PRKN: variants seen among roughly 807,000 people sequenced by gnomAD.
The protein encoded by PRKN is E3 ubiquitin-protein ligase parkin.
PRKN carries 56 observed loss-of-function variants against 59.5 expected under a neutral mutation model. That is an observed-to-expected ratio of 0.94 (90% CI 0.76 to 1.18). PRKN has a LOEUF of 1.18. PRKN is among the 50% of genes most tolerant of loss of function. The pLI is 0.00. For synonymous variants in PRKN, 250 were observed against 222.1 expected (o/e 1.13, Z -1.12); for missense variants, 657 against 596.4 (o/e 1.10, Z -1.06).
intron 9 of PRKN, among the ~76,000 whole-genome samples, chr6:161,421,623 G>A (rs1583046203): frequency 1.3e-5 from 2 of 152,090 alleles, no homozygotes; most frequent in Non-Finnish European, 2.9e-5. Context: ...AGATAGAGAC[G>A]TTTACCCCTT....
intron 9 of PRKN, among the ~76,000 whole-genome samples, chr6:161,424,591 G>A (rs1315622465): frequency 1.3e-5 from 2 of 152,070 alleles, no homozygotes; most frequent in African/African-American, 4.8e-5. Flanking sequence ...AGGAACTCAG[G>A]GCATTGGGGC....
rs570419081 is a variant in PRKN at position 162,660,292 on chromosome 6, T to C, written c.7+67370A>G. 4.6e-5 allele frequency among the ~76,000 whole-genome samples: 7 copies of C among 152,300 alleles called. No individual in the cohort carries two copies. The East Asian group carries it at 1.4e-3, about 29-fold the overall frequency. ...ACCCCTTGTTTCAATCACAATTAGC[T>C]GGTTCTTGCTAAATGATTCAGTCCA... On this transcript the variant is annotated intron_variant, in intron 1 of 11. Coordinates refer to ENST00000366898, the MANE Select transcript of PRKN (RefSeq NM_004562.3).
At chr6:162,223,577 G>A (rs187355898) in intron 3 of PRKN, among the ~76,000 whole-genome samples, 34 of 147,954 alleles carry the variant, frequency 2.3e-4, no homozygotes, top group Non-Finnish European at 3.4e-4. Flanking sequence ...ACATCTATAC[G>A]TATGTGTATA....
chr6:162,671,150 G>T (rs754004046), intron 1 of PRKN, among the ~76,000 whole-genome samples: 1 of 152,220 alleles, frequency 6.6e-6, no homozygotes, highest in African/African-American at 2.4e-5. Context: ...CTACAATCCC[G>T]TCTAACATTC....
intron 5 of PRKN, among the ~76,000 whole-genome samples, chr6:162,053,150 T>C (rs1562485203): frequency 6.6e-6 from 1 of 152,162 alleles, no homozygotes. Context: ...CCTAGGCTGG[T>C]GGAGAGTGAC....
At chr6:162,669,876 G>A (rs572915140) in intron 1 of PRKN, among the ~76,000 whole-genome samples, 4 of 152,208 alleles carry the variant, frequency 2.6e-5, no homozygotes, top group South Asian at 4.1e-4. Context: ...GAATTCAAAC[G>A]TCTCAAATAT....
chr6:161,481,640 AAAAC>A (rs1373832295), intron 9 of PRKN, among the ~76,000 whole-genome samples: 3 of 152,134 alleles, frequency 2.0e-5, no homozygotes, highest in African/African-American at 4.8e-5. Context: ...CAAAAAAACA[AAAAC>A]AAACAAGGAA....
In PRKN at chr6:162,560,853, C is replaced by CAAAAAAAAAAACA. The variant is rs370276827; in HGVS notation, c.8-117381_8-117380insTGTTTTTTTTTTT. 3.9e-4 allele frequency among the ~76,000 whole-genome samples: 22 copies of CAAAAAAAAAAACA among 56,506 alleles called. 2 individuals carry two copies. The highest frequency in any genetic ancestry group is 6.7e-4 in the Non-Finnish European group (22 of 32,692). 37.1% of individuals were successfully genotyped at this position (56,506 alleles called of 152,430 possible). A position where few individuals can be genotyped will look rare whatever the true frequency, so the allele number is the denominator to read the frequency against. On this transcript the variant is annotated intron_variant, in intron 1 of 11. Coordinates refer to ENST00000366898, the MANE Select transcript of PRKN (RefSeq NM_004562.3). ...CAATTAAAGCCCAGAGAGAGAGAGG[C>CAAAAAAAAAAACA]AAAAAAAAAAAAAACCCAGGTCATT...
chr6:162,555,282 T>C (rs1376274018), intron 1 of PRKN, among the ~76,000 whole-genome samples: 1 of 152,182 alleles, frequency 6.6e-6, no homozygotes, highest in East Asian at 1.9e-4. Context: ...TTAAACAAAA[T>C]GGATTCATTT....
chr6:161,410,028 C>T lies in PRKN; in HGVS notation c.1084-23151G>A, dbSNP rs1787450867. ...TGCTAAGCCAGGCACAGTGACCTTT[C>T]CTGTACCTGTGCTAGGATGCAAAAG... On this transcript the variant is annotated intron_variant, in intron 9 of 11. Transcript: ENST00000366898. The surrounding 1 kb of genome is among the most constrained non-coding windows in gnomAD (Gnocchi z 5.3). Among the ~76,000 whole-genome samples the T allele has an allele frequency of 1.3e-5, 2 of 152,184 alleles. No homozygotes were observed. Among genetic ancestry groups the T allele is most frequent in the South Asian group, 4.1e-4 (2 of 4,826 alleles).
chr6:162,581,633 C>A (rs570140139), intron 1 of PRKN, among the ~76,000 whole-genome samples: 3 of 152,240 alleles, frequency 2.0e-5, no homozygotes, highest in African/African-American at 7.2e-5. Context: ...TAGTGACAGG[C>A]GACTGTAATC....
At chr6:162,490,239 A>G (rs1562325942) in intron 1 of PRKN, among the ~76,000 whole-genome samples, 1 of 152,206 alleles carries the variant, frequency 6.6e-6, no homozygotes, top group Non-Finnish European at 1.5e-5. Context: ...TGTCGGGGGG[A>G]AAAAGTGTGC....
At chr6:162,290,141 C>T (rs1165890678) in intron 2 of PRKN, among the ~76,000 whole-genome samples, 1 of 152,178 alleles carries the variant, frequency 6.6e-6, no homozygotes, top group Non-Finnish European at 1.5e-5. Context: ...TATCCCCAGT[C>T]CACAGACCGA....
At chr6:162,012,001 C>G (rs760758908) in intron 5 of PRKN, among the ~76,000 whole-genome samples, 3 of 152,078 alleles carry the variant, frequency 2.0e-5, no homozygotes, top group East Asian at 3.8e-4. Context: ...CTACACTACA[C>G]TGTGCTATGT....
intron 6 of PRKN, among the ~76,000 whole-genome samples, chr6:161,955,625 C>T (rs1242420566): frequency 6.6e-5 from 10 of 152,212 alleles, no homozygotes; most frequent in South Asian, 2.1e-4. Flanking sequence ...CCGAGGTGGG[C>T]GGATCACCTG....
At chr6:161,975,229 G>A (rs1392301239) in intron 5 of PRKN, among the ~76,000 whole-genome samples, 10 of 151,894 alleles carry the variant, frequency 6.6e-5, no homozygotes, top group Non-Finnish European at 5.9e-5. Context: ...GGGACTACAG[G>A]TGCCCGCCAC....
At chr6:162,633,431 T>TAAAAAAA (rs1777589738) in intron 1 of PRKN, among the ~76,000 whole-genome samples, 1 of 9,834 alleles carries the variant, frequency 1.0e-4, no homozygotes, top group South Asian at 3.9e-3. Context: ...CAAGACTGTC[T>TAAAAAAA]CAAAAAAAAA....
chr6:161,623,085 T>A (rs903158851), intron 7 of PRKN, among the ~76,000 whole-genome samples: 1 of 152,204 alleles, frequency 6.6e-6, no homozygotes, highest in Non-Finnish European at 1.5e-5. Flanking sequence ...AAGAAAAAGA[T>A]AATAGAAAAA....
rs369466827 is a variant in PRKN, at chr6:161,679,673, C to CA, written c.871+106098dup. 3.8e-3 allele frequency among the ~76,000 whole-genome samples: 329 copies of CA among 86,294 alleles called. 4 individuals carry two copies. The highest frequency in any genetic ancestry group is 0.011 in the African/African-American group (314 of 28,810). 56.6% of individuals were successfully genotyped at this position (86,294 alleles called of 152,430 possible). A position where few individuals can be genotyped will look rare whatever the true frequency, so the allele number is the denominator to read the frequency against. On this transcript the variant is annotated intron_variant, in intron 7 of 11. Transcript: ENST00000366898. ...AGGTACCTTTGGTTTATAATAGAAC[C>CA]ACCCCCCCCCCTTTTTTTTTTTTAA...
Sources: allele counts gnomAD v4.1 joint callset (sites outside exome capture counted in the v4.1 genomes callset), GRCh38; gene constraint gnomAD v4.1.1; non-coding constraint Gnocchi (gnomAD v3.1); transcripts MANE v1.5; gene names NCBI Gene and HGNC (gene_info 2026-07-23, HGNC 2026-07-21).